AP3B1: variants seen among roughly 807,000 people sequenced by gnomAD.
AP3B1 encodes adaptor related protein complex 3 subunit beta 1, also known as AP-3 complex subunit beta-1.
AP3B1 carries 61 observed loss-of-function variants against 132.5 expected under a neutral mutation model. The ratio of observed to expected loss-of-function variants is 0.46; its 90% CI spans 0.37 to 0.57. The LOEUF (loss-of-function observed/expected upper bound fraction) is 0.57. Ranked by LOEUF, AP3B1 falls within the 20% of genes least tolerant of loss-of-function variation. AP3B1 has a pLI of 0.00. For missense variants in AP3B1, 1,120 were observed against 1,289.4 expected, an observed-to-expected ratio of 0.87 and a Z score of 2.01; for synonymous variants, 388 against 438.3, an observed-to-expected ratio of 0.89 and a Z score of 1.43.
intron 17 of AP3B1, among the ~76,000 whole-genome samples, chr5:78,124,109 A>C (rs989192183): frequency 3.9e-5 from 6 of 152,192 alleles, no homozygotes; most frequent in African/African-American, 1.4e-4. Flanking sequence ...CAAAAAACCA[A>C]ACACCACATG....
rs769645790 is a variant in AP3B1 at position 78,002,596 on chromosome 5, C to T, written c.*306G>A. 4.9e-5 allele frequency: 28 copies of T among 572,420 alleles called. No individual in the cohort carries two copies. In the South Asian group the frequency reaches 5.0e-4, roughly 10 times the overall value. 35.5% of individuals were successfully genotyped at this position (572,420 alleles called of 1,614,324 possible). ...ATATCTCATTCATGTCTACCATTGT[C>T]GAAAAAGAGAAGGAAAACGAGGAGG... On this transcript the variant is annotated 3_prime_UTR_variant, in exon 27 of 27. Coordinates refer to ENST00000255194, the MANE Select transcript of AP3B1 (RefSeq NM_003664.5).
intron 7 of AP3B1, among the ~76,000 whole-genome samples, chr5:78,193,744 T>C (rs12697877): frequency 2.6e-3 from 281 of 109,820 alleles, no homozygotes; most frequent in East Asian, 5.3e-3. Flanking sequence ...ATATATTTTT[T>C]TATATATATA....
At chr5:78,153,784 T>A (rs950326656) in intron 14 of AP3B1, among the ~76,000 whole-genome samples, 3 of 152,182 alleles carry the variant, frequency 2.0e-5, no homozygotes, top group Admixed American at 1.3e-4. Context: ...ATATAATCCA[T>A]TATTTTAAAC....
intron 7 of AP3B1, among the ~76,000 whole-genome samples, chr5:78,190,079 C>A (rs1449339240): frequency 6.6e-6 from 1 of 151,604 alleles, no homozygotes; most frequent in East Asian, 1.9e-4. Flanking sequence ...TATAATATTA[C>A]AGAAATTGTA....
intron 21 of AP3B1, among the ~76,000 whole-genome samples, chr5:78,091,189 A>G (rs566322513): frequency 1.3e-5 from 2 of 151,144 alleles, no homozygotes; most frequent in African/African-American, 4.9e-5. Context: ...ACAAATATTT[A>G]TTCTGAAAGG....
intron 15 of AP3B1, among the ~76,000 whole-genome samples, chr5:78,132,864 T>G (rs1752748589): frequency 6.6e-6 from 1 of 152,124 alleles, no homozygotes. Flanking sequence ...AATGTACACT[T>G]CCACTTTAAA....
At chr5:78,228,110 T>C (rs1399935633) in intron 4 of AP3B1, 34 bp downstream of exon 4, 7 of 1,417,322 alleles carry the variant, frequency 4.9e-6, no homozygotes, top group African/African-American at 2.9e-5. Context: ...TGCAGAAACC[T>C]TGTAGCTATT....
intron 1 of AP3B1, among the ~76,000 whole-genome samples, chr5:78,272,209 C>T (rs1463057887): frequency 6.6e-6 from 1 of 152,118 alleles, no homozygotes; most frequent in African/African-American, 2.4e-5. Context: ...ACCTGTAAGC[C>T]CCCTGCTTCA....
In AP3B1 at chr5:78,240,863, T is replaced by A; in HGVS notation, c.278A>T (p.Glu93Val). Reference sequence around the variant, plus strand: ...AAAAATTATAGATCAAAACAGTACCTCAATATTTTTACTGGCCACATTCTT... The same window carrying A: ...AAAAATTATAGATCAAAACAGTACCACAATATTTTTACTGGCCACATTCTT... ...VVKNVASKNI[E>V]IKKLVYVYLV... The change falls in exon 3 of 27, where the codon GAG becomes GTG. Residue 93 changes from glutamate to valine, a missense_variant and splice_region_variant. Glu to Val is a moderately radical substitution (Grantham distance 121, BLOSUM62 -2). This residue lies in a region of AP3B1 where 129 missense variants were observed against 212.4 expected (regional missense o/e 0.61). Transcript: ENST00000255194. 6.2e-7 allele frequency: 1 copy of A among 1,605,844 alleles called. No individual in the cohort carries two copies. Among genetic ancestry groups the A allele is most frequent in the Non-Finnish European group, 8.5e-7 (1 of 1,172,684 alleles).
At chr5:78,125,681 C>G (rs751816861) in intron 17 of AP3B1, among the ~76,000 whole-genome samples, 11 of 152,166 alleles carry the variant, frequency 7.2e-5, no homozygotes, top group Non-Finnish European at 1.3e-4. Context: ...CATCAACAGA[C>G]AGTGACAGTT....
intron 26 of AP3B1, among the ~76,000 whole-genome samples, chr5:78,013,943 C>G (rs957166341): frequency 6.6e-6 from 1 of 152,164 alleles, no homozygotes; most frequent in Non-Finnish European, 1.5e-5. Context: ...ACGGGTGGAT[C>G]ATGAGGTCAG....
intron 1 of AP3B1, among the ~76,000 whole-genome samples, chr5:78,283,590 T>C (rs561776973): frequency 1.3e-5 from 2 of 152,336 alleles, no homozygotes; most frequent in South Asian, 2.1e-4. Flanking sequence ...CATCAATTAA[T>C]GACTCCCAAA....
intron 18 of AP3B1, chr5:78,115,924 A>C (rs1193466364): frequency 3.3e-6 from 2 of 601,608 alleles, no homozygotes; most frequent in Non-Finnish European, 6.1e-6. Flanking sequence ...TATCCAAGAG[A>C]TATTGTAAAG....
intron 7 of AP3B1, among the ~76,000 whole-genome samples, chr5:78,197,657 T>A (rs1043043459): frequency 2.0e-5 from 3 of 152,158 alleles, no homozygotes; most frequent in African/African-American, 7.2e-5. Context: ...TCTGAATGGA[T>A]TTCCTAAGAA....
chr5:78,090,946 T>TA (rs1430455009), intron 21 of AP3B1, among the ~76,000 whole-genome samples: 1 of 151,674 alleles, frequency 6.6e-6, no homozygotes, highest in Non-Finnish European at 1.5e-5. Context: ...CCTTTTTTTT[T>TA]TATTTTTTAT....
rs1239275480 is a variant in AP3B1, at chr5:78,039,056, A to G, written c.2796T>C (p.Val932=). ...ATTAATATTTACCTATTGGATTAAA[A>G]ACATGCATTTTCATGCCTATAGGAA... ...KKLPIGMKMH[V]FNPIDSLEPE... is the part of the protein sequence containing the mutation. Residue 932 remains valine (V), a synonymous_variant, in exon 23 of 27, where the codon GTT becomes GTC. Transcript: ENST00000255194. The G allele has an allele frequency of 6.3e-7, 1 of 1,576,392 alleles. No homozygotes were observed. Among genetic ancestry groups the G allele is most frequent in the African/African-American group, 1.3e-5 (1 of 74,118 alleles).
chr5:78,135,710 T>C (rs16875191), intron 15 of AP3B1, among the ~76,000 whole-genome samples: 6,186 of 152,288 alleles, frequency 0.041, 190 homozygotes, highest in East Asian at 0.14. Flanking sequence ...ATAGCACTTA[T>C]CACTACATTT....
At chr5:78,273,575 CAG>C (rs1164859751) in intron 1 of AP3B1, among the ~76,000 whole-genome samples, 2 of 152,072 alleles carry the variant, frequency 1.3e-5, no homozygotes, top group African/African-American at 4.8e-5. Context: ...GACAAAATTA[CAG>C]AGGAGGGAAC....
chr5:78,079,358 C>G (rs1749893642), intron 22 of AP3B1, among the ~76,000 whole-genome samples: 1 of 152,006 alleles, frequency 6.6e-6, no homozygotes, highest in Non-Finnish European at 1.5e-5. Context: ...TTAATCTGAA[C>G]TCTAATTGAG....
Sources: allele counts gnomAD v4.1 joint callset (sites outside exome capture counted in the v4.1 genomes callset), GRCh38; gene constraint gnomAD v4.1.1; regional missense constraint gnomAD v4.1.1; transcripts MANE v1.5; gene names NCBI Gene and HGNC (gene_info 2026-07-23, HGNC 2026-07-21).